The following LPGAT1 variants were observed in gnomAD, a reference collection of about 807,000 sequenced individuals.
The protein encoded by LPGAT1 is acyl-CoA:lysophosphatidylglycerol acyltransferase 1.
In LPGAT1, 11 loss-of-function variants were observed where a neutral mutation model predicts 47.5. That is an observed-to-expected ratio of 0.23 (90% CI 0.15 to 0.38). LPGAT1 has a LOEUF of 0.38. Among genes scored for constraint, LPGAT1 ranks in the 10% least tolerant of loss-of-function variants. The pLI, the probability that LPGAT1 is intolerant of heterozygous loss-of-function variation, is 1.00. For synonymous variants in LPGAT1, 138 were observed against 144.2 expected (o/e 0.96, Z 0.31); for missense variants, 293 against 439.0 (o/e 0.67, Z 2.97).
chr1:211,795,407 G>A (rs536090496), intron 2 of LPGAT1, among the ~76,000 whole-genome samples: 1 of 152,212 alleles, frequency 6.6e-6, no homozygotes, highest in African/African-American at 2.4e-5. Context: ...CGCTCTTGTT[G>A]CCCAGGCTGG....
At chr1:211,759,978 A>G (rs1481677656) in intron 6 of LPGAT1, among the ~76,000 whole-genome samples, 3 of 152,264 alleles carry the variant, frequency 2.0e-5, no homozygotes, top group African/African-American at 7.2e-5. Flanking sequence ...TAAAGATTGT[A>G]CCAATTTATA....
intron 6 of LPGAT1, among the ~76,000 whole-genome samples, chr1:211,752,165 C>A (rs1445133211): frequency 6.6e-6 from 1 of 152,102 alleles, no homozygotes; most frequent in Non-Finnish European, 1.5e-5. Context: ...TTTATTTTCC[C>A]TGGATTGAGA....
At chr1:211,810,355 G>GA (rs541881380) in intron 2 of LPGAT1, among the ~76,000 whole-genome samples, 39 of 152,134 alleles carry the variant, frequency 2.6e-4, no homozygotes, top group African/African-American at 8.7e-4. Context: ...AGGGTGGAAG[G>GA]AAAAAAGAAA....
rs1656982796 is a variant in LPGAT1 at position 211,747,312 on chromosome 1, A to T, written c.*2587T>A. ...GAGAGAACATGTTAAAGAATCAAAG[A>T]AGGATAGGGCAGATCAAATACACAT... On this transcript the variant is annotated 3_prime_UTR_variant, in exon 8 of 8. Coordinates refer to ENST00000366997, the MANE Select transcript of LPGAT1 (RefSeq NM_014873.3). 6.6e-6 allele frequency: 1 copy of T among 152,192 alleles called. No homozygotes were observed. The highest frequency in any genetic ancestry group is 1.5e-5 in the Non-Finnish European group (1 of 68,040). The allele number at this position is 152,192 out of a possible 1,614,324, so 9.4% of individuals were successfully genotyped here.
intron 3 of LPGAT1, among the ~76,000 whole-genome samples, chr1:211,791,486 G>A (rs1221406125): frequency 6.6e-6 from 1 of 152,146 alleles, no homozygotes; most frequent in Non-Finnish European, 1.5e-5. Context: ...GCTCATGCCT[G>A]TAATCCCAGT....
rs1273237161 is a variant in LPGAT1 at position 211,749,319 on chromosome 1, G to C, written c.*580C>G. 6.4e-6 allele frequency: 1 copy of C among 155,152 alleles called. No individual in the cohort carries two copies. Among genetic ancestry groups the C allele is most frequent in the Non-Finnish European group, 1.4e-5 (1 of 70,148 alleles). The allele number at this position is 155,152 out of a possible 1,614,324, so 9.6% of individuals were successfully genotyped here. A position where few individuals can be genotyped will look rare whatever the true frequency, so the allele number is the denominator to read the frequency against. On this transcript the variant is annotated 3_prime_UTR_variant, in exon 8 of 8. Transcript: ENST00000366997. ...ATCCAGTACCAGAAGGGGTCCAGTG[G>C]ACACTGCTTTTCCCCCACAGAGAAT...
intron 2 of LPGAT1, among the ~76,000 whole-genome samples, chr1:211,824,105 G>A (rs1571772036): frequency 1.3e-5 from 2 of 152,108 alleles, no homozygotes; most frequent in African/African-American, 2.4e-5. Context: ...AGGAAAAAGA[G>A]AACATTCAGC....
At chr1:211,783,026 C>T (rs555961550) in intron 5 of LPGAT1, among the ~76,000 whole-genome samples, 6 of 152,242 alleles carry the variant, frequency 3.9e-5, no homozygotes, top group African/African-American at 1.2e-4. Context: ...TTTGACTTTA[C>T]GCATTTCTGT....
At chr1:211,805,305 G>A (rs1374118539) in intron 2 of LPGAT1, among the ~76,000 whole-genome samples, 1 of 152,120 alleles carries the variant, frequency 6.6e-6, no homozygotes, top group Non-Finnish European at 1.5e-5. Context: ...CCCATCGTAA[G>A]TTGAAAATAC....
intron 2 of LPGAT1, among the ~76,000 whole-genome samples, chr1:211,820,377 A>G (rs1364135290): frequency 6.6e-6 from 1 of 152,206 alleles, no homozygotes; most frequent in African/African-American, 2.4e-5. Flanking sequence ...AAAAAATTAC[A>G]ATGGAGAAGA....
At chr1:211,772,960 GTTTTTAAGTTTTGGTAAT>G (rs1658241809) in intron 6 of LPGAT1, among the ~76,000 whole-genome samples, 1 of 152,104 alleles carries the variant, frequency 6.6e-6, no homozygotes, top group African/African-American at 2.4e-5. Context: ...ATTATTCTCT[GTTTTTAAGTTTTGGTAAT>G]TTTTCTCATA....
At chr1:211,780,257 C>T (rs1327353443) in intron 5 of LPGAT1, among the ~76,000 whole-genome samples, 1 of 152,068 alleles carries the variant, frequency 6.6e-6, no homozygotes, top group Non-Finnish European at 1.5e-5. Context: ...GAGTTATATA[C>T]ACAGAAAGCA....
chr1:211,755,018 C>T (rs528787245), intron 6 of LPGAT1, among the ~76,000 whole-genome samples: 94 of 124,666 alleles, frequency 7.5e-4, no homozygotes, highest in African/African-American at 1.9e-3. Context: ...AGTCTCGAAG[C>T]GACAGAGCAA....
At position 211,748,836 on chromosome 1, in the gene LPGAT1, T is replaced by A. The variant is rs1432045976; in HGVS notation, c.*1063A>T. ...CTGCACAGGTCCTAGGGGTGCCACA[T>A]GAGAACCTGTCACCATTATAAGCCA... On this transcript the variant is annotated 3_prime_UTR_variant, in exon 8 of 8. Coordinates refer to ENST00000366997, the MANE Select transcript of LPGAT1 (RefSeq NM_014873.3). 6.6e-6 allele frequency: 1 copy of A among 152,626 alleles called. No homozygotes were observed. The highest frequency in any genetic ancestry group is 1.5e-5 in the Non-Finnish European group (1 of 68,056). 9.5% of individuals were successfully genotyped at this position (152,626 alleles called of 1,614,324 possible). A position where few individuals can be genotyped will look rare whatever the true frequency, so the allele number is the denominator to read the frequency against.
rs1486133224 is a variant in LPGAT1 at position 211,749,533 on chromosome 1, G to A, written c.*366C>T. On this transcript the variant is annotated 3_prime_UTR_variant, in exon 8 of 8. Coordinates refer to ENST00000366997, the MANE Select transcript of LPGAT1 (RefSeq NM_014873.3). ...CCTAATATAGACTACAGCTAAGAGG[G>A]ATGAATATAACTTTCTGAGCTTCAA... 7.9e-6 allele frequency: 2 copies of A among 252,500 alleles called. No individual in the cohort carries two copies. Among genetic ancestry groups the A allele is most frequent in the Non-Finnish European group, 1.5e-5 (2 of 132,818 alleles). The allele number at this position is 252,500 out of a possible 1,614,324, so 15.6% of individuals were successfully genotyped here. A position where few individuals can be genotyped will look rare whatever the true frequency, so the allele number is the denominator to read the frequency against.
intron 2 of LPGAT1, among the ~76,000 whole-genome samples, chr1:211,803,665 T>A (rs1223475965): frequency 6.6e-6 from 1 of 152,104 alleles, no homozygotes; most frequent in Non-Finnish European, 1.5e-5. Flanking sequence ...TAGATTTACA[T>A]CTTCATAATA....
chr1:211,809,258 T>C (rs1416197055), intron 2 of LPGAT1, among the ~76,000 whole-genome samples: 1 of 152,018 alleles, frequency 6.6e-6, no homozygotes, highest in African/African-American at 2.4e-5. Flanking sequence ...AGACTTCACA[T>C]CTTAAGTTTC....
rs201455292 is a variant in LPGAT1, at chr1:211,776,763, C to A, written c.854+2155G>T. ...CTTAACTGCAGAAAAAAAAAAAAAA[C>A]CTTCATGAATAGTTTTTCAAATCTC... On this transcript the variant is annotated intron_variant, in intron 6 of 7. Transcript: ENST00000366997. Among the ~76,000 whole-genome samples, 266 of 149,424 alleles carry A rather than the reference C, an allele frequency of 1.8e-3. 1 individual carries two copies. The highest frequency in any genetic ancestry group is 6.3e-3 in the African/African-American group (258 of 40,790).
In LPGAT1 at chr1:211,783,467, G is replaced by A. The variant is rs563067323; in HGVS notation, c.489C>T (p.Leu163=). 1.9e-6 allele frequency: 3 copies of A among 1,613,726 alleles called. No homozygotes were observed. Among genetic ancestry groups the A allele is most frequent in the Non-Finnish European group, 2.5e-6 (3 of 1,179,882 alleles). The change falls in exon 5 of 8, where the codon CTC becomes CTT. Residue 163 remains leucine, a synonymous_variant. Transcript: ENST00000366997. The part of the protein sequence containing the change: ...RSYRDQQLLL[L]KKHLENNYRS... The stretch of plus-strand genomic sequence containing the variant: ...TGTAATTATTTTCTAAGTGCTTCTT[G>A]AGAAGCAGCAGCTGTTGGTCACGAT...
Sources: allele counts gnomAD v4.1 joint callset (sites outside exome capture counted in the v4.1 genomes callset), GRCh38; gene constraint gnomAD v4.1.1; transcripts MANE v1.5; gene names NCBI Gene and HGNC (gene_info 2026-07-23, HGNC 2026-07-21).